CNTD1: variants seen among roughly 807,000 people sequenced by gnomAD.
CNTD1 encodes the protein cyclin N-terminal domain containing 1.
CNTD1 carries 17 observed loss-of-function variants against 36.3 expected under a neutral mutation model. The observed-to-expected ratio is 0.47, with a 90% CI of 0.32 to 0.70. The LOEUF is 0.70. Among genes scored for constraint, CNTD1 ranks in the 30% least tolerant of loss-of-function variants. CNTD1 has a pLI of 0.03. For missense variants in CNTD1, 338 were observed against 386.1 expected, an observed-to-expected ratio of 0.88 and a Z score of 1.04; for synonymous variants, 128 against 153.3, an observed-to-expected ratio of 0.83 and a Z score of 1.22.
Position 42,809,944 on chromosome 17 carries a change from A to C in CNTD1, c.*409A>C, listed in dbSNP as rs2054957988. On this transcript the variant is annotated 3_prime_UTR_variant, in exon 7 of 7. Transcript: ENST00000588408. ...AAAATTAGTTTAACATCTCTGTTCCATTATTCAGATCTACACAAACAAGGC... is the reference window on the plus strand; with the variant it reads ...AAAATTAGTTTAACATCTCTGTTCCCTTATTCAGATCTACACAAACAAGGC... 1 of 152,598 alleles carries C rather than the reference A, an allele frequency of 6.6e-6. No homozygotes were observed. 9.5% of individuals were successfully genotyped at this position (152,598 alleles called of 1,614,324 possible).
Position 42,811,282 on chromosome 17 carries a change from G to A in CNTD1, c.*1747G>A. 1 of 277,930 alleles carries A rather than the reference G, an allele frequency of 3.6e-6. No homozygotes were observed. Among genetic ancestry groups the A allele is most frequent in the Non-Finnish European group, 6.6e-6 (1 of 150,820 alleles). 17.2% of individuals were successfully genotyped at this position (277,930 alleles called of 1,614,324 possible). A position where few individuals can be genotyped will look rare whatever the true frequency, so the allele number is the denominator to read the frequency against. On this transcript the variant is annotated 3_prime_UTR_variant, in exon 7 of 7. Coordinates refer to ENST00000588408, the MANE Select transcript of CNTD1 (RefSeq NM_173478.3). ...AATGCTTTGTTTTGGGGTGATAGAA[G>A]CAGCCTTACTCTAAGTAAAAACTAG... is the stretch of plus-strand genomic sequence containing the variant.
Position 42,798,934 on chromosome 17 carries a change from C to T in CNTD1, c.-134C>T, listed in dbSNP as rs2054722029. 21 of 1,456,874 alleles carry T rather than the reference C, an allele frequency of 1.4e-5. No individual in the cohort carries two copies. The highest frequency in any genetic ancestry group is 1.9e-5 in the Non-Finnish European group (21 of 1,107,240). 90.2% of individuals were successfully genotyped at this position (1,456,874 alleles called of 1,614,324 possible). A position where few individuals can be genotyped will look rare whatever the true frequency, so the allele number is the denominator to read the frequency against. On this transcript the variant is annotated 5_prime_UTR_variant, in exon 1 of 7. Coordinates refer to ENST00000588408, the MANE Select transcript of CNTD1 (RefSeq NM_173478.3). ...GCTGTGGTGGTAATTGGGTTTTCCT[C>T]AGACTTGAGGCGACGACACACTCAT... is the stretch of plus-strand genomic sequence containing the variant.
intron 6 of CNTD1, among the ~76,000 whole-genome samples, chr17:42,808,664 T>C (rs1029714132): frequency 2.1e-5 from 3 of 146,138 alleles, no homozygotes; most frequent in African/African-American, 7.7e-5. Context: ...AGCCCAGGAG[T>C]TGGAGGCTGC....
rs568096435 is a variant in CNTD1 at position 42,810,055 on chromosome 17, C to T, written c.*520C>T. 6.6e-6 allele frequency: 1 copy of T among 152,294 alleles called. No individual in the cohort carries two copies. Among genetic ancestry groups the T allele is most frequent in the African/African-American group, 2.4e-5 (1 of 41,334 alleles). 9.4% of individuals were successfully genotyped at this position (152,294 alleles called of 1,614,324 possible). A position where few individuals can be genotyped will look rare whatever the true frequency, so the allele number is the denominator to read the frequency against. On this transcript the variant is annotated 3_prime_UTR_variant, in exon 7 of 7. Coordinates refer to ENST00000588408, the MANE Select transcript of CNTD1 (RefSeq NM_173478.3). ...GAAGTTTCAACAGAATTTCCACATA[C>T]CTGCATTCATTAGAACTTGATTCTC...
In CNTD1 at chr17:42,798,899, A is replaced by AGGGTTCGAGGCTGTGGT; in HGVS notation, c.-166_-150dup. The AGGGTTCGAGGCTGTGGT allele has an allele frequency of 5.5e-6, 8 of 1,443,340 alleles. No individual in the cohort carries two copies. The highest frequency in any genetic ancestry group is 7.2e-6 in the Non-Finnish European group (8 of 1,103,478). 89.4% of individuals were successfully genotyped at this position (1,443,340 alleles called of 1,614,324 possible). ...CCGTTGGGGCGGGAAAAAGCTGTGG[A>AGGGTTCGAGGCTGTGGT]GGGTTCGAGGCTGTGGTGGTAATTG... On this transcript the variant is annotated 5_prime_UTR_variant, in exon 1 of 7. Coordinates refer to ENST00000588408, the MANE Select transcript of CNTD1 (RefSeq NM_173478.3).
chr17:42,806,654 C>G lies in CNTD1; in HGVS notation c.581-20C>G. ...AGACATGATCATAAATTCTCCCTAT[C>G]ATTCCCATACTCCATCTAGGATACA... On this transcript the variant is annotated intron_variant, in intron 4 of 6. Transcript: ENST00000588408. 4.3e-6 allele frequency: 7 copies of G among 1,611,934 alleles called. No homozygotes were observed. Among genetic ancestry groups the G allele is most frequent in the Non-Finnish European group, 5.9e-6 (7 of 1,178,230 alleles).
intron 1 of CNTD1, among the ~76,000 whole-genome samples, chr17:42,799,512 G>A (rs1246006759): frequency 6.6e-6 from 1 of 151,994 alleles, no homozygotes; most frequent in Non-Finnish European, 1.5e-5. Flanking sequence ...AGCACTTTGG[G>A]AGGCTGAGGT....
At position 42,811,299 on chromosome 17, in the gene CNTD1, A is replaced by C. The variant is rs1464817004; in HGVS notation, c.*1764A>C. On this transcript the variant is annotated 3_prime_UTR_variant, in exon 7 of 7. Coordinates refer to ENST00000588408, the MANE Select transcript of CNTD1 (RefSeq NM_173478.3). ...TGATAGAAGCAGCCTTACTCTAAGTAAAAACTAGAGTTTCCATCCATCAAT... is the reference window on the plus strand; with the variant it reads ...TGATAGAAGCAGCCTTACTCTAAGTCAAAACTAGAGTTTCCATCCATCAAT... 3.6e-6 allele frequency: 1 copy of C among 278,698 alleles called. No homozygotes were observed. Among genetic ancestry groups the C allele is most frequent in the Non-Finnish European group, 6.6e-6 (1 of 151,360 alleles). 17.3% of individuals were successfully genotyped at this position (278,698 alleles called of 1,614,324 possible). A position where few individuals can be genotyped will look rare whatever the true frequency, so the allele number is the denominator to read the frequency against.
chr17:42,808,304 T>C (rs1052352953), intron 6 of CNTD1, among the ~76,000 whole-genome samples: 1 of 151,914 alleles, frequency 6.6e-6, no homozygotes, highest in African/African-American at 2.4e-5. Flanking sequence ...ATCCCAGCAC[T>C]TTAGGAGGCC....
intron 3 of CNTD1, 59 bp downstream of exon 3, chr17:42,804,455 CAA>C: frequency 7.1e-7 from 1 of 1,412,310 alleles, no homozygotes. Context: ...AGCTTTTATA[CAA>C]AGGGGGGCTG....
rs770947257 is a variant in CNTD1 at position 42,809,504 on chromosome 17, C to A, written c.962C>A (p.Ala321Asp). 2.5e-6 allele frequency: 4 copies of A among 1,614,190 alleles called. No individual in the cohort carries two copies. Among genetic ancestry groups the A allele is most frequent in the Non-Finnish European group, 2.5e-6 (3 of 1,180,012 alleles). The change falls in exon 7 of 7, where the codon GCT (alanine) becomes GAT (aspartate). Residue 321 changes from alanine (A) to aspartate (D), a missense_variant. Coordinates refer to ENST00000588408, the MANE Select transcript of CNTD1 (RefSeq NM_173478.3). ...ATTCCTCCCCACCTGGCAGCCAGAGCTCTGAAGACTGTTGCTTCCTCTAAC... is the reference window on the plus strand; with the variant it reads ...ATTCCTCCCCACCTGGCAGCCAGAGATCTGAAGACTGTTGCTTCCTCTAAC... ...QSIPPHLAAR[A>D]LKTVASSNT is the part of the protein sequence containing the mutation.
chr17:42,803,213 A>G (rs1223224135), intron 1 of CNTD1, among the ~76,000 whole-genome samples: 2 of 152,256 alleles, frequency 1.3e-5, no homozygotes, highest in African/African-American at 4.8e-5. Flanking sequence ...TCCTGCCAAC[A>G]TTCCACAGAA....
chr17:42,801,509 AAATATATATATATAT>A (rs1457043282), intron 1 of CNTD1, among the ~76,000 whole-genome samples: 762 of 50,260 alleles, frequency 0.015, 48 homozygotes, highest in African/African-American at 0.12. Context: ...AAAAAAAAAA[AAATATATATATATAT>A]ATATATATAT....
chr17:42,804,323 A>T lies in CNTD1; in HGVS notation c.344A>T (p.Gln115Leu). The change falls in exon 3 of 7, where the codon CAG (glutamine) becomes CTG (leucine). Residue 115 changes from glutamine (Q) to leucine (L), a missense_variant. Gln to Leu is a moderately radical substitution (Grantham distance 113). Coordinates refer to ENST00000588408, the MANE Select transcript of CNTD1 (RefSeq NM_173478.3). ...ESQNWRALKQQLVNKFTLRLV... is the reference protein window; with the variant it reads ...ESQNWRALKQLLVNKFTLRLV... ...CAGAATTGGAGGGCTCTGAAACAGC[A>T]GCTTGTCAACAAGTTTACTCTCCGT... 1 of 1,614,138 alleles carries T rather than the reference A, an allele frequency of 6.2e-7. No homozygotes were observed.
intron 4 of CNTD1, 97 bp from the exon 5 acceptor site, chr17:42,806,577 G>A: frequency 1.6e-6 from 2 of 1,234,082 alleles, no homozygotes; most frequent in Non-Finnish European, 2.3e-6. Flanking sequence ...CAACCAGGAA[G>A]CACATTAGCA....
chr17:42,803,443 G>C lies in CNTD1; in HGVS notation c.170-177G>C, dbSNP rs544495157. ...CAGTCAGCCTCCTTTACATGTCTCTGATCTGCCTATTGGCAGCAAAAGAAA... is the reference window on the plus strand; with the variant it reads ...CAGTCAGCCTCCTTTACATGTCTCTCATCTGCCTATTGGCAGCAAAAGAAA... On this transcript the variant is annotated intron_variant, in intron 1 of 6. Transcript: ENST00000588408. Among the ~76,000 whole-genome samples the C allele has an allele frequency of 3.3e-5, 5 of 152,338 alleles. No individual in the cohort carries two copies. In the East Asian group the frequency reaches 9.6e-4, roughly 29 times the overall value.
At chr17:42,806,562 C>A in intron 4 of CNTD1, 112 bp from the exon 5 acceptor site, 1 of 1,099,760 alleles carries the variant, frequency 9.1e-7, no homozygotes, top group Non-Finnish European at 1.3e-6. Flanking sequence ...TGTAGTAGAA[C>A]ATAGCAACCA....
chr17:42,810,716 AAAATT>A lies in CNTD1; in HGVS notation c.*1185_*1189del. On this transcript the variant is annotated 3_prime_UTR_variant, in exon 7 of 7. Transcript: ENST00000588408. ...TTTAAAACATGTTTGCAAACAAAAC[AAAATT>A]AAAAGCCTTTAAGGCAAACCTCCCC... The A allele has an allele frequency of 1.3e-6, 2 of 1,530,564 alleles. No individual in the cohort carries two copies. The highest frequency in any genetic ancestry group is 1.8e-6 in the Non-Finnish European group (2 of 1,136,134). The allele number at this position is 1,530,564 out of a possible 1,614,324, so 94.8% of individuals were successfully genotyped here.
chr17:42,800,649 G>A (rs1567659555), intron 1 of CNTD1, among the ~76,000 whole-genome samples: 1 of 152,150 alleles, frequency 6.6e-6, no homozygotes, highest in Non-Finnish European at 1.5e-5. Flanking sequence ...TTTTGGCAGT[G>A]ATGTAAAGGA....
Sources: gnomAD v4.1 joint callset for allele counts (sites outside exome capture counted in the v4.1 genomes callset) on GRCh38, gnomAD v4.1.1 for gene constraint, MANE v1.5 for transcripts, NCBI Gene and HGNC (gene_info 2026-07-23, HGNC 2026-07-21) for gene names.